FRMPD4: variants seen among roughly 807,000 people sequenced by gnomAD.
The protein encoded by FRMPD4 is FERM and PDZ domain-containing protein 4.
A neutral mutation model predicts 94.1 loss-of-function variants in FRMPD4; 22 were observed. The ratio of observed to expected loss-of-function variants is 0.23; its 90% CI spans 0.17 to 0.33. The LOEUF (loss-of-function observed/expected upper bound fraction) is 0.33. Among genes scored for constraint, FRMPD4 ranks in the 10% least tolerant of loss-of-function variants. The pLI is 1.00. For missense variants in FRMPD4, 1,111 were observed against 1,339.9 expected, an observed-to-expected ratio of 0.83 and a Z score of 2.67; for synonymous variants, 631 against 548.6, an observed-to-expected ratio of 1.15 and a Z score of -2.10.
At chrX:12,203,722 C>CT (rs2056657168) in intron 1 of FRMPD4, among the ~76,000 whole-genome samples, 1 of 112,349 alleles carries the variant, frequency 8.9e-6, no homozygotes, top group Non-Finnish European at 1.9e-5. Flanking sequence ...TTCTGTTAAT[C>CT]TATTTATTTA....
intron 1 of FRMPD4, among the ~76,000 whole-genome samples, chrX:12,231,759 C>CA (rs1254371628): frequency 8.9e-6 from 1 of 111,763 alleles, no homozygotes; most frequent in East Asian, 2.8e-4. Context: ...ATTTTCACCA[C>CA]AAATATGAAC....
intron 1 of FRMPD4, among the ~76,000 whole-genome samples, chrX:12,208,835 A>G (rs1360171299): frequency 8.9e-6 from 1 of 111,889 alleles, no homozygotes; most frequent in Non-Finnish European, 1.9e-5. Flanking sequence ...CTAAAGCGTA[A>G]AGAGTAAAAT....
intron 1 of FRMPD4, among the ~76,000 whole-genome samples, chrX:12,382,530 G>GCATAGAGCATAGCATAGCATAGCAT (rs60602906): frequency 1.1e-4 from 5 of 45,573 alleles, no homozygotes; most frequent in East Asian, 1.0e-3. Context: ...GCATAGCATA[G>GCATAGAGCATAGCATAGCATAGCAT]AGCATAGCAT....
intron 2 of FRMPD4, among the ~76,000 whole-genome samples, chrX:12,603,847 G>T (rs181996905): frequency 4.5e-4 from 50 of 110,668 alleles, no homozygotes; most frequent in African/African-American, 1.6e-3. Context: ...AAAACTGCTT[G>T]CCTTGTTACA....
At chrX:12,518,534 A>C (rs1412874560) in intron 2 of FRMPD4, among the ~76,000 whole-genome samples, 2 of 112,048 alleles carry the variant, frequency 1.8e-5, no homozygotes, top group Non-Finnish European at 3.8e-5. Flanking sequence ...AAAAGAAAAA[A>C]CACTCAGCAA....
At chrX:11,876,935 G>C (rs1481322292) in intron 2 of FRMPD4, among the ~76,000 whole-genome samples, 1 of 112,315 alleles carries the variant, frequency 8.9e-6, no homozygotes, top group Non-Finnish European at 1.9e-5. Context: ...AGATGCTACT[G>C]ATATCTACTG....
At chrX:11,961,692 AT>A (rs1569133330) in intron 3 of FRMPD4, among the ~76,000 whole-genome samples, 1 of 110,828 alleles carries the variant, frequency 9.0e-6, no homozygotes. Flanking sequence ...CACCTTTCAG[AT>A]TTTGAGTGTG....
At chrX:11,864,256 A>G (rs2053705826) in intron 1 of FRMPD4, among the ~76,000 whole-genome samples, 1 of 109,577 alleles carries the variant, frequency 9.1e-6, no homozygotes, top group South Asian at 4.0e-4. Flanking sequence ...CGGAAAGTTA[A>G]CAAGAGTGAA....
At chrX:12,147,467 A>G (rs763297486) in intron 1 of FRMPD4, among the ~76,000 whole-genome samples, 2 of 112,679 alleles carry the variant, frequency 1.8e-5, no homozygotes, top group African/African-American at 6.4e-5. Context: ...ATGGACCAGC[A>G]CCATCAGGCA....
At position 11,869,450 on chromosome X, in the gene FRMPD4, TTC is replaced by T. The variant is rs1312824626; in HGVS notation, c.-30+4235_-30+4236del. On this transcript the variant is annotated intron_variant, in intron 2 of 18. Coordinates refer to the FRMPD4 transcript ENST00000640291. ...TTTCAAAATAACTAAGGGAGTAAATTTCAAATGTCTCACCATGAAAAAGGATA... is the reference window on the plus strand; with the variant it reads ...TTTCAAAATAACTAAGGGAGTAAATTAAATGTCTCACCATGAAAAAGGATA... Among the ~76,000 whole-genome samples the T allele has an allele frequency of 6.3e-5, 7 of 111,806 alleles. No homozygotes were observed. The East Asian group carries it at 1.1e-3, about 18-fold the overall frequency.
intron 4 of FRMPD4, among the ~76,000 whole-genome samples, chrX:12,654,992 T>A (rs2059638337): frequency 8.9e-6 from 1 of 112,302 alleles, no homozygotes; most frequent in Non-Finnish European, 1.9e-5. Context: ...GACATTACCT[T>A]CTTTACTGGA....
chrX:12,664,421 G>C (rs1049446951), intron 4 of FRMPD4, among the ~76,000 whole-genome samples: 1 of 111,945 alleles, frequency 8.9e-6, no homozygotes. Context: ...AAGAGGTGTT[G>C]AGTTTTATTG....
At chrX:12,458,501 TCTG>T (rs2148150605) in intron 1 of FRMPD4, among the ~76,000 whole-genome samples, 1 of 112,032 alleles carries the variant, frequency 8.9e-6, no homozygotes, top group South Asian at 3.7e-4. Context: ...ACTGGGTAGT[TCTG>T]CTGACCTTGT....
intron 1 of FRMPD4, among the ~76,000 whole-genome samples, chrX:12,404,324 A>C (rs2056642652): frequency 8.9e-6 from 1 of 111,989 alleles, no homozygotes; most frequent in African/African-American, 3.2e-5. Flanking sequence ...CTAGGATCCC[A>C]AAATGGCCCA....
chrX:12,127,274 A>C (rs2055508415), intron 3 of FRMPD4, among the ~76,000 whole-genome samples: 1 of 111,913 alleles, frequency 8.9e-6, no homozygotes, highest in Admixed American at 9.5e-5. Flanking sequence ...ATTTATATTA[A>C]AAAACAGGTT....
At chrX:12,256,957 T>C (rs2054122906) in intron 1 of FRMPD4, among the ~76,000 whole-genome samples, 1 of 112,055 alleles carries the variant, frequency 8.9e-6, no homozygotes, top group Non-Finnish European at 1.9e-5. Flanking sequence ...TTCTAATTTA[T>C]TTAATGACCA....
chrX:12,051,155 GT>G (rs2054815562), intron 3 of FRMPD4, among the ~76,000 whole-genome samples: 1 of 111,917 alleles, frequency 8.9e-6, no homozygotes, highest in South Asian at 3.7e-4. Context: ...GTAGTAAAAA[GT>G]ATAAAGGTGT....
intron 1 of FRMPD4, among the ~76,000 whole-genome samples, chrX:12,300,009 C>T (rs1482756105): frequency 3.6e-5 from 4 of 112,197 alleles, no homozygotes; most frequent in Admixed American, 9.4e-5. Context: ...AAGGAAATCA[C>T]GTGAAAACAG....
intron 3 of FRMPD4, among the ~76,000 whole-genome samples, chrX:12,128,344 C>T (rs1040298132): frequency 9.1e-6 from 1 of 109,918 alleles, no homozygotes; most frequent in African/African-American, 3.4e-5. Context: ...TTGGGGCTTG[C>T]ACCCTCTGAA....
Sources: gnomAD v4.1 joint callset for allele counts (sites outside exome capture counted in the v4.1 genomes callset) on GRCh38, gnomAD v4.1.1 for gene constraint, MANE v1.5 for transcripts, NCBI Gene and HGNC (gene_info 2026-07-23, HGNC 2026-07-21) for gene names.